The following TMEM14B variants were observed in gnomAD, a reference collection of about 807,000 sequenced individuals.
The protein encoded by TMEM14B is transmembrane protein 14B.
Under a neutral mutation model 14.8 loss-of-function variants are expected in TMEM14B, and 9 were observed. The observed-to-expected ratio is 0.61, with a 90% CI of 0.37 to 1.06. The LOEUF (loss-of-function observed/expected upper bound fraction) is 1.06. Ranked by LOEUF, TMEM14B falls within the 50% of genes least tolerant of loss-of-function variation. The pLI, the probability that TMEM14B is intolerant of heterozygous loss-of-function variation, is 0.01. For synonymous variants in TMEM14B, 40 were observed against 51.3 expected (o/e 0.78, Z 0.94); for missense variants, 128 against 143.6 (o/e 0.89, Z 0.56).
At chr6:10,757,990 C>CAA (rs796233052), downstream of TMEM14B, among the ~76,000 whole-genome samples, 13 of 106,372 alleles carry the variant, frequency 1.2e-4, no homozygotes, top group African/African-American at 3.6e-4. Context: ...GACTCTGTCT[C>CAA]AAAAAAAAAA....
At chr6:10,751,947 T>C (rs913473714) in intron 4 of TMEM14B, among the ~76,000 whole-genome samples, 1 of 152,048 alleles carries the variant, frequency 6.6e-6, no homozygotes, top group Non-Finnish European at 1.5e-5. Context: ...GACACTGCTA[T>C]GAGTGTGGGT....
At chr6:10,755,985 A>G (rs932847098) in intron 5 of TMEM14B, among the ~76,000 whole-genome samples, 1 of 152,082 alleles carries the variant, frequency 6.6e-6, no homozygotes, top group Non-Finnish European at 1.5e-5. Flanking sequence ...CTTGTTAAGT[A>G]TGATAAAGAC....
At chr6:10,758,190 A>G (rs1251235448), downstream of TMEM14B, among the ~76,000 whole-genome samples, 1 of 152,140 alleles carries the variant, frequency 6.6e-6, no homozygotes, top group Admixed American at 6.5e-5. Flanking sequence ...CAGATCATCC[A>G]AAGCTATCAT....
At chr6:10,758,755 G>C (rs1450118803), downstream of TMEM14B, among the ~76,000 whole-genome samples, 2 of 152,164 alleles carry the variant, frequency 1.3e-5, no homozygotes, top group African/African-American at 2.4e-5. Flanking sequence ...GTTGATGCAT[G>C]AATCAGTTGA....
At chr6:10,757,193 G>A (rs552037988), downstream of TMEM14B, among the ~76,000 whole-genome samples, 3 of 152,154 alleles carry the variant, frequency 2.0e-5, no homozygotes, top group East Asian at 3.9e-4. Flanking sequence ...TAAGAGACAG[G>A]GTCTTTCTCT....
At chr6:10,756,066 C>T (rs189010979) in intron 5 of TMEM14B, among the ~76,000 whole-genome samples, 94 of 152,216 alleles carry the variant, frequency 6.2e-4, no homozygotes, top group African/African-American at 2.0e-3. Context: ...TGATCATAGT[C>T]GTGATGCTGC....
chr6:10,754,347 G>A (rs950594343), intron 4 of TMEM14B, among the ~76,000 whole-genome samples: 5 of 152,130 alleles, frequency 3.3e-5, no homozygotes, highest in African/African-American at 1.2e-4. Context: ...ATGTGGTCTG[G>A]CGCCTCTTAC....
chr6:10,752,452 CTTTTTTTTT>C (rs60849022), intron 4 of TMEM14B, among the ~76,000 whole-genome samples: 2 of 112,508 alleles, frequency 1.8e-5, no homozygotes, highest in South Asian at 3.1e-4. Flanking sequence ...CATAAACTAC[CTTTTTTTTT>C]TTTTTTTTTT....
At position 10,756,630 on chromosome 6, in the gene TMEM14B, T is replaced by TAA. The variant is rs57806113; in HGVS notation, c.*122_*123dup. On this transcript the variant is annotated 3_prime_UTR_variant, in exon 6 of 6. Transcript: ENST00000379542. The stretch of plus-strand genomic sequence containing the variant: ...GCATTTTTGCATCTGACATTTTACC[T>TAA]AAAAAAAAAAAGACACCAAATTTGG... The TAA allele has an allele frequency of 6.3e-3, 7,150 of 1,132,018 alleles. 48 individuals are homozygous for TAA. The highest frequency in any genetic ancestry group is 0.048 in the African/African-American group (3,030 of 62,930). 70.1% of individuals were successfully genotyped at this position (1,132,018 alleles called of 1,614,324 possible). A position where few individuals can be genotyped will look rare whatever the true frequency, so the allele number is the denominator to read the frequency against.
chr6:10,755,478 AG>A (rs1771769178), intron 5 of TMEM14B: 1 of 1,423,066 alleles, frequency 7.0e-7, no homozygotes, highest in Non-Finnish European at 9.1e-7. Flanking sequence ...ATATGGTGGC[AG>A]AAGTTTTATT....
In TMEM14B at chr6:10,750,658, T is replaced by C. The variant is rs1416609388; in HGVS notation, c.101-475T>C. ...CTTATCAGTTAATTGCATTCTTGGA[T>C]GTGCTGGGAGTCAGCTTGCACAAGT... On this transcript the variant is annotated intron_variant, in intron 3 of 5. Coordinates refer to ENST00000379542, the MANE Select transcript of TMEM14B (RefSeq NM_030969.5). 2.6e-5 allele frequency among the ~76,000 whole-genome samples: 4 copies of C among 152,066 alleles called. No homozygotes were observed. The East Asian group carries it at 7.7e-4, about 29-fold the overall frequency.
At chr6:10,757,048 A>G, downstream of TMEM14B, 1 of 931,274 alleles carries the variant, frequency 1.1e-6, no homozygotes, top group Non-Finnish European at 1.3e-6. Context: ...TAGATATAGA[A>G]ACTTGAAAGT....
intron 4 of TMEM14B, among the ~76,000 whole-genome samples, chr6:10,752,120 C>G (rs1285845822): frequency 6.6e-6 from 1 of 152,002 alleles, no homozygotes; most frequent in Non-Finnish European, 1.5e-5. Flanking sequence ...TGCCTAACAG[C>G]TCCCTCCCTC....
downstream of TMEM14B, among the ~76,000 whole-genome samples, chr6:10,758,162 A>T (rs1771868693): frequency 6.6e-6 from 1 of 152,150 alleles, no homozygotes; most frequent in African/African-American, 2.4e-5. Context: ...TTGCAGTGGT[A>T]GAGGCATCAG....
intron 4 of TMEM14B, 38 bp downstream of exon 4, chr6:10,751,272 A>G: frequency 3.7e-6 from 6 of 1,609,186 alleles, no homozygotes; most frequent in Non-Finnish European, 5.1e-6. Flanking sequence ...GCAATCATGT[A>G]TCTGGAATAT....
In TMEM14B at chr6:10,752,405, C is replaced by A. The variant is rs143765975; in HGVS notation, c.202+1171C>A. 9.2e-5 allele frequency among the ~76,000 whole-genome samples: 14 copies of A among 151,652 alleles called. No homozygotes were observed. In the South Asian group the frequency reaches 2.5e-3, roughly 27 times the overall value. On this transcript the variant is annotated intron_variant, in intron 4 of 5. Coordinates refer to ENST00000379542, the MANE Select transcript of TMEM14B (RefSeq NM_030969.5). ...GTATTCCTCCTTTTAGGTGGATCCCCGCATTGATATTCAGATGTGCTTGTC... is the reference window on the plus strand; with the variant it reads ...GTATTCCTCCTTTTAGGTGGATCCCAGCATTGATATTCAGATGTGCTTGTC...
rs1344255707 is a variant in TMEM14B, at chr6:10,751,168, G to A, written c.136G>A (p.Gly46Ser). Residue 46 changes from glycine (G) to serine (S), a missense_variant, in exon 4 of 6, where the codon GGC (glycine) becomes AGC (serine). Transcript: ENST00000379542. ...GTCCCTGGCTGCAGGGCTGCTCTTC[G>A]GCAGTCTAGCCGGCCTGGGTGCTTA... ...VPSLAAGLLF[G>S]SLAGLGAYQL... 3.7e-6 allele frequency: 6 copies of A among 1,613,924 alleles called. No individual in the cohort carries two copies. Among genetic ancestry groups the A allele is most frequent in the South Asian group, 1.1e-5 (1 of 91,082 alleles).
chr6:10,758,687 G>C (rs139297221), downstream of TMEM14B, among the ~76,000 whole-genome samples: 956 of 152,220 alleles, frequency 6.3e-3, 7 homozygotes, highest in African/African-American at 0.022. Context: ...GGGCATTTCT[G>C]TTGAGGGAGT....
Position 10,749,378 on chromosome 6 carries a change from G to T in TMEM14B, c.23+110G>T, listed in dbSNP as rs182242018. The T allele has an allele frequency of 1.3e-4, 184 of 1,389,706 alleles. No individual in the cohort carries two copies. In the East Asian group the frequency reaches 3.2e-3, roughly 24 times the overall value. The allele number at this position is 1,389,706 out of a possible 1,614,324, so 86.1% of individuals were successfully genotyped here. A position where few individuals can be genotyped will look rare whatever the true frequency, so the allele number is the denominator to read the frequency against. ...GTAGACTGCCTGGGATGGCGTGCGG[G>T]ATGGGAGGATCACTGGACCTGTGGG... On this transcript the variant is annotated intron_variant, in intron 2 of 5. Transcript: ENST00000379542.
Sources: gnomAD v4.1 joint callset for allele counts (sites outside exome capture counted in the v4.1 genomes callset) on GRCh38, gnomAD v4.1.1 for gene constraint, MANE v1.5 for transcripts, NCBI Gene and HGNC (gene_info 2026-07-23, HGNC 2026-07-21) for gene names.